Variants in ACTN1 observed in about 807,000 individuals in gnomAD.
The protein encoded by ACTN1 is alpha-actinin-1.
A neutral mutation model predicts 119.6 loss-of-function variants in ACTN1; 30 were observed. That is an observed-to-expected ratio of 0.25 (90% CI 0.19 to 0.34). The LOEUF (loss-of-function observed/expected upper bound fraction) is 0.34, where lower values mean the gene tolerates loss of function less well. ACTN1 is among the 10% of genes least tolerant of loss of function. The pLI is 1.00. For synonymous variants in ACTN1, 429 were observed against 472.6 expected (o/e 0.91, Z 1.20); for missense variants, 764 against 1,223.4 (o/e 0.62, Z 5.60).
At chr14:68,884,333 G>A (rs138244454) in intron 13 of ACTN1, 25 bp from the exon 14 acceptor site, 3 of 1,609,750 alleles carry the variant, frequency 1.9e-6, no homozygotes, top group East Asian at 4.5e-5. Context: ...TAGGGTAAGG[G>A]TTAGTACAGT....
intron 10 of ACTN1, 35 bp from the exon 11 acceptor site, chr14:68,890,321 C>A: frequency 6.2e-7 from 1 of 1,610,780 alleles, no homozygotes; most frequent in Non-Finnish European, 8.5e-7. Flanking sequence ...CAGGGTCTGG[C>A]TTGGGCCTAG....
intron 1 of ACTN1, 53 bp downstream of exon 1, chr14:68,978,899 C>CGGGGCTGGGGCTG: frequency 9.0e-7 from 1 of 1,113,358 alleles, no homozygotes; most frequent in South Asian, 1.5e-5. Context: ...CAGAGCGGGT[C>CGGGGCTGGGGCTG]GGGGCTGGGG....
chr14:68,906,535 C>T (rs907101421), intron 6 of ACTN1, among the ~76,000 whole-genome samples: 12 of 152,164 alleles, frequency 7.9e-5, no homozygotes, highest in African/African-American at 2.7e-4. Context: ...TGAACACTGC[C>T]GAGTAGTCAA....
chr14:68,878,990 T>C lies in ACTN1; in HGVS notation c.2360A>G (p.Gln787Arg). 2 of 1,613,052 alleles carry C rather than the reference T, an allele frequency of 1.2e-6. No homozygotes were observed. The highest frequency in any genetic ancestry group is 1.1e-5 in the South Asian group (1 of 91,040). ...GTGCTCCATGCAGGAGGCGAGTACCTGGGGGTCGTTGCCAATATCATAACC... is the reference window on the plus strand; with the variant it reads ...GTGCTCCATGCAGGAGGCGAGTACCCGGGGGTCGTTGCCAATATCATAACC... The part of the protein sequence containing the change: ...SLGYDIGNDP[Q>R]KKTGMMDTDD... Residue 787 changes from glutamine (Q) to arginine (R), a missense_variant and splice_region_variant, in exon 19 of 22, where the codon CAG becomes CGG. Gln to Arg is a conservative substitution (Grantham distance 43). Around this residue, in one of 4 missense-constraint regions of ACTN1, gnomAD observed 544 missense variants for 912.0 expected, o/e 0.60. Coordinates refer to ENST00000394419, the MANE Select transcript of ACTN1 (RefSeq NM_001130004.2). The surrounding 1 kb of genome is among the most constrained non-coding windows in gnomAD (Gnocchi z 4.4).
Position 68,904,630 on chromosome 14 carries a change from G to C in ACTN1, c.676+25C>G, listed in dbSNP as rs752862446. ...AGTGGCAGGTGGGCGATGGGCAAGA[G>C]ACACAGAAGGAAAGCGCCTTTCACC... On this transcript the variant is annotated intron_variant, in intron 7 of 21. Transcript: ENST00000394419. 5 of 1,608,548 alleles carry C rather than the reference G, an allele frequency of 3.1e-6. No individual in the cohort carries two copies. The East Asian group carries it at 1.1e-4, about 36-fold the overall frequency.
chr14:68,895,254 C>T (rs2032787498), intron 8 of ACTN1, among the ~76,000 whole-genome samples: 1 of 152,058 alleles, frequency 6.6e-6, no homozygotes, highest in Non-Finnish European at 1.5e-5. Context: ...ATCCTTAGGC[C>T]CTCACCCCCT....
chr14:68,942,360 G>A (rs568687748), intron 1 of ACTN1, among the ~76,000 whole-genome samples: 1 of 141,342 alleles, frequency 7.1e-6, no homozygotes, highest in East Asian at 2.1e-4. Context: ...CAACCTGGGA[G>A]ACAGTGAGAC....
rs185076121 is a variant in ACTN1 at position 68,902,471 on chromosome 14, G to A, written c.762+6C>T. ...GGGCATGGAAGGAGCAGGGGGCCCC[G>A]GGTACCTTCTGGGCTCCAGAGAAGG... On this transcript the variant is annotated splice_donor_region_variant and intron_variant, in intron 8 of 21. Transcript: ENST00000394419. 4.9e-5 allele frequency: 79 copies of A among 1,613,418 alleles called. 1 individual carries two copies. Among genetic ancestry groups the A allele is most frequent in the South Asian group, 4.6e-4 (42 of 91,018 alleles).
At chr14:68,884,981 G>A in intron 12 of ACTN1, 98 bp from the exon 13 acceptor site, 1 of 1,032,868 alleles carries the variant, frequency 9.7e-7, no homozygotes, top group Non-Finnish European at 1.5e-6. Flanking sequence ...TGGTGGTGCT[G>A]GGAAGAGCCA....
chr14:68,972,504 T>C (rs114305690), intron 1 of ACTN1, among the ~76,000 whole-genome samples: 239 of 152,364 alleles, frequency 1.6e-3, no homozygotes, highest in African/African-American at 5.6e-3. Flanking sequence ...AAAATTGAGA[T>C]AAAATTCCAT....
chr14:68,945,438 G>T (rs2035914395), intron 1 of ACTN1, among the ~76,000 whole-genome samples: 1 of 152,216 alleles, frequency 6.6e-6, no homozygotes, highest in South Asian at 2.1e-4. Context: ...GCTGTGGCGG[G>T]CTGAGTTGGG....
rs2030648830 is a variant in ACTN1, at chr14:68,874,787, CAGG to C, written c.*69_*71del. On this transcript the variant is annotated 3_prime_UTR_variant, in exon 22 of 22. Coordinates refer to ENST00000394419, the MANE Select transcript of ACTN1 (RefSeq NM_001130004.2). ...GCTGGGAGCTGAAACCGAACCCAGG[CAGG>C]AGATGGGCGACGGCGGAGGTGCAAG... 1 of 1,411,004 alleles carries C rather than the reference CAGG, an allele frequency of 7.1e-7. No homozygotes were observed. The highest frequency in any genetic ancestry group is 9.3e-7 in the Non-Finnish European group (1 of 1,074,428). The allele number at this position is 1,411,004 out of a possible 1,614,324, so 87.4% of individuals were successfully genotyped here.
At position 68,925,334 on chromosome 14, in the gene ACTN1, TTTTTTTTA is replaced by T. The variant is rs1321545067; in HGVS notation, c.220+216_220+223del. 2.7e-5 allele frequency among the ~76,000 whole-genome samples: 4 copies of T among 150,368 alleles called. No individual in the cohort carries two copies. The highest frequency in any genetic ancestry group is 9.8e-5 in the African/African-American group (4 of 40,648). ...CTTCAAACCCTTTTTTTTTTTTTTT[TTTTTTTTA>T]AAACAAACAAGGATGCTGAAACAAA... On this transcript the variant is annotated intron_variant, in intron 2 of 21. Transcript: ENST00000394419. This position sits in a 1 kb window ranked among gnomAD's most constrained non-coding sequence, Gnocchi z 4.3.
Position 68,884,171 on chromosome 14 carries a change from G to C in ACTN1, c.1632C>G (p.Ile544Met), listed in dbSNP as rs2031806469. 1.9e-6 allele frequency: 3 copies of C among 1,611,286 alleles called. No individual in the cohort carries two copies. The highest frequency in any genetic ancestry group is 2.5e-6 in the Non-Finnish European group (3 of 1,178,200). The change falls in exon 14 of 22, where the codon ATC (isoleucine) becomes ATG (methionine). Residue 544 changes from isoleucine (I) to methionine (M), a missense_variant. Coordinates refer to ENST00000394419, the MANE Select transcript of ACTN1 (RefSeq NM_001130004.2). ...DTFIVHTIEEIQGLTTAHEQF... is the reference protein window; with the variant it reads ...DTFIVHTIEEMQGLTTAHEQF... Reference sequence around the variant, plus strand: ...GGGGAGTGGAGGTGGGGCTCACCTGGATCTCCTCAATGGTGTGCACAATGA... The same window carrying C: ...GGGGAGTGGAGGTGGGGCTCACCTGCATCTCCTCAATGGTGTGCACAATGA...
At chr14:68,900,743 G>A (rs2033255937) in intron 8 of ACTN1, 2 of 152,208 alleles carry the variant, frequency 1.3e-5, no homozygotes, top group Admixed American at 1.3e-4. Context: ...TTCCCCTGCA[G>A]GAGAAGGAGG....
At chr14:68,949,851 A>G (rs113428482) in intron 1 of ACTN1, among the ~76,000 whole-genome samples, 272 of 152,304 alleles carry the variant, frequency 1.8e-3, no homozygotes, top group Middle Eastern at 0.01. Context: ...AATAACCCAG[A>G]CACAAAAGAA....
chr14:68,932,085 A>T (rs2035246545), intron 1 of ACTN1, among the ~76,000 whole-genome samples: 1 of 151,868 alleles, frequency 6.6e-6, no homozygotes, highest in Non-Finnish European at 1.5e-5. Flanking sequence ...TGTCAACTTG[A>T]TTGAATTAAA....
At chr14:68,966,474 G>A (rs1015945768) in intron 1 of ACTN1, among the ~76,000 whole-genome samples, 5 of 152,120 alleles carry the variant, frequency 3.3e-5, no homozygotes, top group African/African-American at 4.8e-5. Context: ...ACAAGACCTC[G>A]GGTCTCCTGA....
In ACTN1 at chr14:68,909,166, T is replaced by C; in HGVS notation, c.594+152A>G. 1 of 717,166 alleles carries C rather than the reference T, an allele frequency of 1.4e-6. No homozygotes were observed. The highest frequency in any genetic ancestry group is 2.8e-5 in the East Asian group (1 of 35,120). 44.4% of individuals were successfully genotyped at this position (717,166 alleles called of 1,614,324 possible). On this transcript the variant is annotated intron_variant, in intron 6 of 21. Transcript: ENST00000394419. The surrounding 1 kb of genome is among the most constrained non-coding windows in gnomAD (Gnocchi z 4.1). ...GCCCTAACAGGGAAGGTGTTTTCTC[T>C]TCACTTTCAGTTGGGGCTCTGTCTG...
Sources: gnomAD v4.1 joint callset for allele counts (sites outside exome capture counted in the v4.1 genomes callset) on GRCh38, gnomAD v4.1.1 for gene constraint, gnomAD v4.1.1 regional missense constraint, Gnocchi (gnomAD v3.1) non-coding constraint, MANE v1.5 for transcripts, NCBI Gene and HGNC (gene_info 2026-07-23, HGNC 2026-07-21) for gene names.